MYO1F: variants seen among roughly 807,000 people sequenced by gnomAD.
The protein encoded by MYO1F is myosin IF, also known as unconventional myosin-If.
A neutral mutation model predicts 146.6 loss-of-function variants in MYO1F; 60 were observed. The ratio of observed to expected loss-of-function variants is 0.41; its 90% CI spans 0.33 to 0.51. The LOEUF (loss-of-function observed/expected upper bound fraction) is 0.51, where lower values mean the gene tolerates loss of function less well. Among genes scored for constraint, MYO1F ranks in the 20% least tolerant of loss-of-function variants. The pLI is 0.25. For synonymous variants in MYO1F, 602 were observed against 602.1 expected, an observed-to-expected ratio of 1.00 and a Z score of 0.00; for missense variants, 1,274 against 1,534.3, an observed-to-expected ratio of 0.83 and a Z score of 2.83.
chr19:8,529,929 GAA>G lies in MYO1F; in HGVS notation c.2328+265_2328+266del, dbSNP rs1327769843. 1.5e-5 allele frequency: 9 copies of G among 596,060 alleles called. No homozygotes were observed. The African/African-American group carries it at 1.7e-4, about 11-fold the overall frequency. The allele number at this position is 596,060 out of a possible 1,614,324, so 36.9% of individuals were successfully genotyped here. ...GCTAGGTGAGGATATACCTGTGATG[GAA>G]CAGATGGATCTAGGCTGGGGGATAG... On this transcript the variant is annotated intron_variant, in intron 21 of 27. Coordinates refer to ENST00000644032, the MANE Select transcript of MYO1F (RefSeq NM_012335.4).
intron 1 of MYO1F, among the ~76,000 whole-genome samples, chr19:8,568,765 A>G (rs1334289971): frequency 2.0e-5 from 3 of 151,978 alleles, no homozygotes; most frequent in African/African-American, 4.8e-5. Context: ...TACTAAAAAT[A>G]CAAAAATTAG....
intron 1 of MYO1F, among the ~76,000 whole-genome samples, chr19:8,558,900 G>C (rs889822081): frequency 6.6e-6 from 1 of 151,902 alleles, no homozygotes; most frequent in African/African-American, 2.4e-5. Flanking sequence ...TTTGAGATGG[G>C]GTCTCACTGC....
intron 14 of MYO1F, 63 bp from the exon 15 acceptor site, chr19:8,542,054 G>A: frequency 7.5e-7 from 1 of 1,325,132 alleles, no homozygotes; most frequent in Non-Finnish European, 1.1e-6. Context: ...GGTGGGCGTG[G>A]GGTGCTTACA....
chr19:8,551,752 A>G lies in MYO1F; in HGVS notation c.759T>C (p.Phe253=), dbSNP rs1973620631. The change falls in exon 8 of 28, where the codon TTT becomes TTC. Residue 253 remains phenylalanine, a synonymous_variant. Coordinates refer to ENST00000644032, the MANE Select transcript of MYO1F (RefSeq NM_012335.4). The part of the protein sequence containing the change: ...QVDGTDDRSD[F]GETLSAMQVI... Reference sequence around the variant, plus strand: ...GGCCGGTGCTCACCAGAGTCTCACCAAAGTCGCTTCTGTCGTCCGTGCCGT... The same window carrying G: ...GGCCGGTGCTCACCAGAGTCTCACCGAAGTCGCTTCTGTCGTCCGTGCCGT... 6.2e-7 allele frequency: 1 copy of G among 1,614,106 alleles called. No homozygotes were observed. The highest frequency in any genetic ancestry group is 8.5e-7 in the Non-Finnish European group (1 of 1,180,016).
intron 14 of MYO1F, among the ~76,000 whole-genome samples, chr19:8,543,321 A>G (rs1033308415): frequency 6.6e-6 from 1 of 152,156 alleles, no homozygotes; most frequent in African/African-American, 2.4e-5. Context: ...GGGCATGGTT[A>G]GAGTCCAGTG....
intron 25 of MYO1F, among the ~76,000 whole-genome samples, chr19:8,524,356 G>T (rs1168235828): frequency 6.9e-6 from 1 of 145,918 alleles, no homozygotes; most frequent in African/African-American, 2.6e-5. Flanking sequence ...GTGGAAAGTT[G>T]CAGTGCGCTG....
Position 8,551,894 on chromosome 19 carries a change from C to T in MYO1F, c.637-20G>A, listed in dbSNP as rs376295033. Reference sequence around the variant, plus strand: ...CAGCAGCTGGAGGGTGTGCCATGTTCATGCATCTGGTGCTTGCCTGGCTCA... The same window carrying T: ...CAGCAGCTGGAGGGTGTGCCATGTTTATGCATCTGGTGCTTGCCTGGCTCA... On this transcript the variant is annotated intron_variant, in intron 7 of 27. Coordinates refer to ENST00000644032, the MANE Select transcript of MYO1F (RefSeq NM_012335.4). The T allele has an allele frequency of 1.7e-4, 268 of 1,614,028 alleles. No homozygotes were observed. Among genetic ancestry groups the T allele is most frequent in the South Asian group, 1.6e-3 (149 of 91,072 alleles).
chr19:8,535,823 G>A (rs537740249), intron 19 of MYO1F, among the ~76,000 whole-genome samples: 3 of 152,144 alleles, frequency 2.0e-5, no homozygotes, highest in Admixed American at 2.0e-4. Context: ...GGGACCACAG[G>A]TGCCCGCCAC....
chr19:8,541,722 CCCGGCCT>C (rs1972980630), intron 15 of MYO1F, 177 bp downstream of exon 15: 12 of 649,174 alleles, frequency 1.8e-5, no homozygotes, highest in Non-Finnish European at 3.3e-5. Flanking sequence ...AGCCACTGCG[CCCGGCCT>C]CTGGAGTTAC....
intron 14 of MYO1F, among the ~76,000 whole-genome samples, chr19:8,543,750 G>GTGGTGGTGGTGGTGC (rs1973126545): frequency 1.1e-4 from 1 of 9,292 alleles, no homozygotes; most frequent in African/African-American, 6.0e-4. Context: ...GGTGCTGGTG[G>GTGGTGGTGGTGGTGC]TGGTGGTGGT....
intron 22 of MYO1F, 22 bp downstream of exon 22, chr19:8,527,316 G>A: frequency 6.2e-7 from 1 of 1,613,814 alleles, no homozygotes; most frequent in Non-Finnish European, 8.5e-7. Flanking sequence ...TGACTGTGCG[G>A]CAGGTAAGGA....
chr19:8,552,995 T>G (rs1234780275), intron 6 of MYO1F, 144 bp downstream of exon 6: 5 of 793,432 alleles, frequency 6.3e-6, no homozygotes, highest in Non-Finnish European at 1.1e-5. Flanking sequence ...AGGAAGTGAG[T>G]CTCCCCTTCA....
chr19:8,564,278 G>A lies in MYO1F; in HGVS notation c.4-8482C>T, dbSNP rs1249499689. 2.6e-5 allele frequency among the ~76,000 whole-genome samples: 4 copies of A among 152,182 alleles called. No individual in the cohort carries two copies. The East Asian group carries it at 7.7e-4, about 29-fold the overall frequency. ...CGCCTGTAATCCCAGCTACTTGGGA[G>A]GCTGAGGCAGGAGAATCGCTTGAAC... On this transcript the variant is annotated intron_variant, in intron 1 of 27. Transcript: ENST00000644032.
rs1427199739 is a variant in MYO1F at position 8,526,589 on chromosome 19, C to T, written c.2634G>A (p.Arg878=). The T allele has an allele frequency of 1.3e-6, 2 of 1,596,732 alleles. No individual in the cohort carries two copies. The highest frequency in any genetic ancestry group is 1.3e-5 in the African/African-American group (1 of 74,862). Residue 878 remains arginine, a synonymous_variant, in exon 24 of 28, where the codon CGG becomes CGA. Coordinates refer to ENST00000644032, the MANE Select transcript of MYO1F (RefSeq NM_012335.4). ...CACCGCCCCAGCCCTCCTTCTTCAC[C>T]CGAAACTGTAGTCTATGGGGAGAGA... ...PLTFSDTLQF[R]VKKEGWGGGG...
At chr19:8,573,227 C>T (rs984124266) in intron 1 of MYO1F, among the ~76,000 whole-genome samples, 1 of 152,040 alleles carries the variant, frequency 6.6e-6, no homozygotes, top group Admixed American at 6.6e-5. Context: ...AGGAGAATGG[C>T]ATGAACCTAG....
chr19:8,522,269 G>T, intron 27 of MYO1F, 108 bp downstream of exon 27: 1 of 1,402,700 alleles, frequency 7.1e-7, no homozygotes, highest in Non-Finnish European at 9.9e-7. Context: ...TGATCTGCCC[G>T]CCTTGGCCTC....
chr19:8,554,068 CCCT>C (rs1264394624), intron 4 of MYO1F, among the ~76,000 whole-genome samples: 1 of 151,992 alleles, frequency 6.6e-6, no homozygotes, highest in African/African-American at 2.4e-5. Flanking sequence ...AAGCAATCCT[CCCT>C]CCTCAGCCTC....
rs5827003 is a variant in MYO1F, at chr19:8,560,494, G to GAA, written c.4-4700_4-4699dup. Among the ~76,000 whole-genome samples the GAA allele has an allele frequency of 7.2e-3, 1,047 of 145,124 alleles. 8 individuals carry two copies. Among genetic ancestry groups the GAA allele is most frequent in the African/African-American group, 0.023 (906 of 39,262 alleles). ...TAGCGAGACTTGGTCTTAAAAAAAG[G>GAA]AAAAAAAAAAAAGAACAGGTTCTTG... On this transcript the variant is annotated intron_variant, in intron 1 of 27. Coordinates refer to ENST00000644032, the MANE Select transcript of MYO1F (RefSeq NM_012335.4).
chr19:8,544,176 A>C, intron 14 of MYO1F, 121 bp downstream of exon 14: 1 of 1,057,520 alleles, frequency 9.5e-7, no homozygotes, highest in South Asian at 1.3e-5. Context: ...GGAATTCTAC[A>C]GCCCTGGATA....
Sources: allele counts gnomAD v4.1 joint callset (sites outside exome capture counted in the v4.1 genomes callset), GRCh38; gene constraint gnomAD v4.1.1; transcripts MANE v1.5; gene names NCBI Gene and HGNC (gene_info 2026-07-23, HGNC 2026-07-21).